ACSBG2: variants seen among roughly 807,000 people sequenced by gnomAD.
ACSBG2 encodes long-chain-fatty-acid--CoA ligase ACSBG2.
A neutral mutation model predicts 74.7 loss-of-function variants in ACSBG2; 62 were observed. The ratio of observed to expected loss-of-function variants is 0.83; its 90% CI spans 0.68 to 1.03. The LOEUF (loss-of-function observed/expected upper bound fraction) is 1.03. Among genes scored for constraint, ACSBG2 ranks in the 50% least tolerant of loss-of-function variants. The probability of loss-of-function intolerance (pLI) is 0.00; values close to 1 mark genes in which losing one functional copy is unlikely to be tolerated. For synonymous variants in ACSBG2, 309 were observed against 294.1 expected (o/e 1.05, Z -0.52); for missense variants, 730 against 817.6 (o/e 0.89, Z 1.31).
intron 8 of ACSBG2, among the ~76,000 whole-genome samples, chr19:6,181,822 C>CCGCCCGA: frequency 7.9e-6 from 1 of 125,852 alleles, no homozygotes; most frequent in African/African-American, 3.1e-5. Flanking sequence ...CGCCCCCCCC[C>CCGCCCGA]CCAACGAAAT....
In ACSBG2 at chr19:6,174,183, C is replaced by T. The variant is rs1191884337; in HGVS notation, c.739-3046C>T. On this transcript the variant is annotated intron_variant, in intron 7 of 14. Transcript: ENST00000588485. The surrounding 1 kb of genome is among the most constrained non-coding windows in gnomAD (Gnocchi z 4.2). ...AACTCCTGACCTCAGGTGATCCACC[C>T]GCCTTGGCCTCCCAAAGTGCTGGGA... Among the ~76,000 whole-genome samples, 2 of 152,066 alleles carry T rather than the reference C, an allele frequency of 1.3e-5. No individual in the cohort carries two copies. The highest frequency in any genetic ancestry group is 6.6e-5 in the Admixed American group (1 of 15,260).
intron 4 of ACSBG2, among the ~76,000 whole-genome samples, chr19:6,155,635 C>T (rs958374253): frequency 1.3e-5 from 2 of 151,658 alleles, no homozygotes; most frequent in Admixed American, 1.3e-4. Flanking sequence ...ACAAAAAATA[C>T]AAAAATTAGC....
In ACSBG2 at chr19:6,161,254, C is replaced by A. The variant is rs1245901336; in HGVS notation, c.547C>A (p.Gln183Lys). Residue 183 changes from glutamine (Q) to lysine (K), a missense_variant, in exon 6 of 15, where the codon CAG becomes AAG. Coordinates refer to ENST00000588485, the MANE Select transcript of ACSBG2 (RefSeq NM_030924.5). ...SSLEPLKAII[Q>K]YRLPMKKNNN... ...CCTAGAGCCCCTAAAAGCGATCATC[C>A]AGTACAGACTGCCAATGAAGAAGAA... The A allele has an allele frequency of 6.2e-7, 1 of 1,613,578 alleles. No homozygotes were observed. Among genetic ancestry groups the A allele is most frequent in the East Asian group, 2.2e-5 (1 of 44,866 alleles).
chr19:6,184,857 A>C (rs1317801754), intron 10 of ACSBG2, among the ~76,000 whole-genome samples: 66 of 143,710 alleles, frequency 4.6e-4, no homozygotes, highest in African/African-American at 1.4e-3. Flanking sequence ...AAAAAAAAAA[A>C]AAAAAAAAAA....
intron 6 of ACSBG2, among the ~76,000 whole-genome samples, chr19:6,162,643 G>A (rs975410555): frequency 6.6e-6 from 1 of 151,318 alleles, no homozygotes; most frequent in African/African-American, 2.4e-5. Context: ...CTTAAGTCTC[G>A]GATAACTTAA....
intron 5 of ACSBG2, among the ~76,000 whole-genome samples, chr19:6,158,754 A>G (rs1324721197): frequency 1.3e-5 from 2 of 151,956 alleles, no homozygotes; most frequent in East Asian, 3.9e-4. Flanking sequence ...ATGTTTTCTC[A>G]CATTTTATTC....
chr19:6,164,309 T>C (rs942573291), intron 6 of ACSBG2, among the ~76,000 whole-genome samples: 1 of 152,160 alleles, frequency 6.6e-6, no homozygotes, highest in South Asian at 2.1e-4. Context: ...GTGCTCTTCC[T>C]CTCACCCTTG....
chr19:6,143,079 G>A (rs2088904443), intron 2 of ACSBG2, among the ~76,000 whole-genome samples: 1 of 152,086 alleles, frequency 6.6e-6, no homozygotes, highest in African/African-American at 2.4e-5. Flanking sequence ...AATTAGCCAG[G>A]TGTGGTGGCA....
intron 4 of ACSBG2, 147 bp from the exon 5 acceptor site, chr19:6,156,284 T>C (rs1021324402): frequency 1.3e-6 from 1 of 755,878 alleles, no homozygotes; most frequent in South Asian, 2.3e-5. Flanking sequence ...GTCTTCATCA[T>C]TGTTAAGTTG....
In ACSBG2 at chr19:6,187,325, C is replaced by T. The variant is rs1439495369; in HGVS notation, c.1583C>T (p.Pro528Leu). The T allele has an allele frequency of 6.2e-6, 10 of 1,614,124 alleles. No individual in the cohort carries two copies. Among genetic ancestry groups the T allele is most frequent in the Non-Finnish European group, 8.5e-6 (10 of 1,180,024 alleles). Reference protein sequence around the residue: ...TAGGENVPPIPVETLVKKKIP... With the variant: ...TAGGENVPPILVETLVKKKIP... ...GGTGGTGAAAATGTGCCCCCCATTC[C>T]TGTTGAGACCTTGGTTAAGAAGAAG... The change falls in exon 12 of 15, where the codon CCT becomes CTT. Residue 528 changes from proline (P) to leucine (L), a missense_variant. Pro to Leu is a moderately conservative substitution (Grantham distance 98). Coordinates refer to ENST00000588485, the MANE Select transcript of ACSBG2 (RefSeq NM_030924.5).
chr19:6,142,993 G>A (rs906991341), intron 2 of ACSBG2, among the ~76,000 whole-genome samples: 1 of 152,014 alleles, frequency 6.6e-6, no homozygotes, highest in African/African-American at 2.4e-5. Flanking sequence ...GCTGAGGCGG[G>A]CAGATTGCTT....
intron 3 of ACSBG2, among the ~76,000 whole-genome samples, chr19:6,148,618 T>C (rs10413418): frequency 0.041 from 6,072 of 149,788 alleles, 343 homozygotes; most frequent in African/African-American, 0.14. Context: ...GCACTCTAGC[T>C]GGGCAACAGA....
rs768447688 is a variant in ACSBG2 at position 6,187,887 on chromosome 19, T to C, written c.1927+42T>C. 2.5e-6 allele frequency: 4 copies of C among 1,601,818 alleles called. No individual in the cohort carries two copies. In the South Asian group the frequency reaches 4.5e-5, roughly 18 times the overall value. On this transcript the variant is annotated intron_variant, in intron 13 of 14. Coordinates refer to ENST00000588485, the MANE Select transcript of ACSBG2 (RefSeq NM_030924.5). Reference sequence around the variant, plus strand: ...TTTGGAGGCTGGTCCCTTGTTAGCATCTGGGACTGTGTGGGCTCTGAAGAG... The same window carrying C: ...TTTGGAGGCTGGTCCCTTGTTAGCACCTGGGACTGTGTGGGCTCTGAAGAG...
chr19:6,185,414 C>T (rs760139812), intron 10 of ACSBG2, 22 bp from the exon 11 acceptor site: 9 of 1,613,296 alleles, frequency 5.6e-6, no homozygotes, highest in Non-Finnish European at 7.6e-6. Flanking sequence ...GAGCCTGTTT[C>T]TCTGCTTCTG....
At position 6,151,703 on chromosome 19, in the gene ACSBG2, C is replaced by G; in HGVS notation, c.298-4C>G. 1 of 1,591,306 alleles carries G rather than the reference C, an allele frequency of 6.3e-7. No individual in the cohort carries two copies. The highest frequency in any genetic ancestry group is 1.3e-5 in the African/African-American group (1 of 74,832). ...TGTTTTTCTGTTTGCTTTTTCCTTC[C>G]CAGCTGGGTTTGGAGCGTTTCCACG... On this transcript the variant is annotated splice_polypyrimidine_tract_variant and splice_region_variant and intron_variant, in intron 3 of 14. Transcript: ENST00000588485.
chr19:6,152,758 T>C (rs1568225050), intron 4 of ACSBG2, among the ~76,000 whole-genome samples: 1 of 152,150 alleles, frequency 6.6e-6, no homozygotes, highest in Non-Finnish European at 1.5e-5. Flanking sequence ...TTATTAGTGA[T>C]GGCAAAAAGT....
In ACSBG2 at chr19:6,161,253, C is replaced by A; in HGVS notation, c.546C>A (p.Ile182=). 2 of 1,613,768 alleles carry A rather than the reference C, an allele frequency of 1.2e-6. No individual in the cohort carries two copies. Among genetic ancestry groups the A allele is most frequent in the South Asian group, 2.2e-5 (2 of 91,070 alleles). ...QSSLEPLKAI[I]QYRLPMKKNN... ...GCCTAGAGCCCCTAAAAGCGATCAT[C>A]CAGTACAGACTGCCAATGAAGAAGA... Residue 182 remains isoleucine (I), a synonymous_variant, in exon 6 of 15, where the codon ATC becomes ATA. Coordinates refer to ENST00000588485, the MANE Select transcript of ACSBG2 (RefSeq NM_030924.5).
At chr19:6,140,331 T>C (rs2088774196) in intron 1 of ACSBG2, among the ~76,000 whole-genome samples, 2 of 151,676 alleles carry the variant, frequency 1.3e-5, no homozygotes, top group Admixed American at 6.6e-5. Flanking sequence ...AATTAATGAC[T>C]ATGCAAAAAC....
rs2090037393 is a variant in ACSBG2, at chr19:6,174,217, A to G, written c.739-3012A>G. 6.6e-6 allele frequency among the ~76,000 whole-genome samples: 1 copy of G among 152,120 alleles called. No individual in the cohort carries two copies. The highest frequency in any genetic ancestry group is 6.6e-5 in the Admixed American group (1 of 15,266). On this transcript the variant is annotated intron_variant, in intron 7 of 14. Transcript: ENST00000588485. This position sits in a 1 kb window ranked among gnomAD's most constrained non-coding sequence, Gnocchi z 4.2. ...CTCCCAAAGTGCTGGGACTACAAAC[A>G]TGAGCCACCACGCTTGGCCATCACT...
Sources: allele counts gnomAD v4.1 joint callset (sites outside exome capture counted in the v4.1 genomes callset), GRCh38; gene constraint gnomAD v4.1.1; non-coding constraint Gnocchi (gnomAD v3.1); transcripts MANE v1.5; gene names NCBI Gene and HGNC (gene_info 2026-07-23, HGNC 2026-07-21).